ASTN2: variants seen among roughly 807,000 people sequenced by gnomAD.
The protein encoded by ASTN2 is astrotactin 2.
A neutral mutation model predicts 139.8 loss-of-function variants in ASTN2; 54 were observed. That is an observed-to-expected ratio of 0.39 (90% confidence interval 0.31 to 0.48). The LOEUF is 0.48. Among genes scored for constraint, ASTN2 ranks in the 20% least tolerant of loss-of-function variants. ASTN2 has a pLI of 0.95. For synonymous variants in ASTN2, 756 were observed against 719.5 expected, an observed-to-expected ratio of 1.05 and a Z score of -0.81; for missense variants, 1,565 against 1,725.1, an observed-to-expected ratio of 0.91 and a Z score of 1.64.
intron 2 of ASTN2, among the ~76,000 whole-genome samples, chr9:117,250,962 G>A (rs1410635549): frequency 6.6e-6 from 1 of 152,224 alleles, no homozygotes; most frequent in Admixed American, 6.5e-5. Context: ...GGGAAGAGCA[G>A]GTGGAACAAG....
chr9:117,272,700 G>A (rs770842283), intron 2 of ASTN2, among the ~76,000 whole-genome samples: 2 of 152,078 alleles, frequency 1.3e-5, no homozygotes, highest in Admixed American at 1.3e-4. Flanking sequence ...AATCTCTAGG[G>A]CAAGGGCAAA....
At chr9:117,367,356 TGGA>T (rs1829871606) in intron 1 of ASTN2, among the ~76,000 whole-genome samples, 1 of 152,192 alleles carries the variant, frequency 6.6e-6, no homozygotes, top group South Asian at 2.1e-4. Flanking sequence ...GCATGAGCTA[TGGA>T]GCAACAGCCA....
chr9:117,305,436 T>A (rs973245710), intron 1 of ASTN2, among the ~76,000 whole-genome samples: 6 of 152,316 alleles, frequency 3.9e-5, no homozygotes, highest in African/African-American at 1.4e-4. Context: ...GCTATTTTTT[T>A]AAATACATCA....
intron 21 of ASTN2, among the ~76,000 whole-genome samples, chr9:116,442,119 C>T (rs1847858003): frequency 6.6e-6 from 1 of 152,050 alleles, no homozygotes; most frequent in African/African-American, 2.4e-5. Flanking sequence ...ATGATTGGTC[C>T]CTGAGAAATC....
chr9:116,918,458 C>T (rs1834513913), intron 10 of ASTN2, among the ~76,000 whole-genome samples: 1 of 152,198 alleles, frequency 6.6e-6, no homozygotes, highest in Non-Finnish European at 1.5e-5. Context: ...ACCATTCTTT[C>T]TCTCCCAGCT....
At chr9:116,827,470 A>T (rs1831672093) in intron 11 of ASTN2, among the ~76,000 whole-genome samples, 2 of 152,102 alleles carry the variant, frequency 1.3e-5, no homozygotes, top group Non-Finnish European at 2.9e-5. Flanking sequence ...ATTTTTTGAA[A>T]TGCTAAACAA....
At chr9:117,140,018 G>T (rs909632844) in intron 4 of ASTN2, among the ~76,000 whole-genome samples, 2 of 152,202 alleles carry the variant, frequency 1.3e-5, no homozygotes, top group African/African-American at 4.8e-5. Context: ...CCCTCAGACA[G>T]ATTACAATAG....
At chr9:117,052,074 G>C (rs969516023) in intron 5 of ASTN2, among the ~76,000 whole-genome samples, 1 of 152,104 alleles carries the variant, frequency 6.6e-6, no homozygotes, top group Non-Finnish European at 1.5e-5. Context: ...TCATGCTTTG[G>C]TTGACCTTCA....
At chr9:117,156,910 T>C (rs2132892025) in intron 3 of ASTN2, among the ~76,000 whole-genome samples, 1 of 152,092 alleles carries the variant, frequency 6.6e-6, no homozygotes, top group South Asian at 2.1e-4. Context: ...CCTGAAGAAA[T>C]TCACCTTGCC....
At position 117,300,670 on chromosome 9, in the gene ASTN2, C is replaced by T. The variant is rs187875808; in HGVS notation, c.443-9157G>A. On this transcript the variant is annotated intron_variant, in intron 1 of 22. Transcript: ENST00000313400. ...AATTCTAAGAGATCCTGATGTCAGG[C>T]CAGGTTAAATGCCCACAGGATAATG... Among the ~76,000 whole-genome samples, 372 of 152,220 alleles carry T rather than the reference C, an allele frequency of 2.4e-3. 1 individual carries two copies. Among genetic ancestry groups the T allele is most frequent in the Non-Finnish European group, 4.7e-3 (321 of 68,012 alleles).
intron 11 of ASTN2, among the ~76,000 whole-genome samples, chr9:116,852,582 C>T (rs2132324203): frequency 6.6e-6 from 1 of 152,206 alleles, no homozygotes; most frequent in East Asian, 1.9e-4. Flanking sequence ...AATACCTGGG[C>T]TAGTGGGTCA....
At chr9:116,820,474 C>T in intron 12 of ASTN2, 143 bp downstream of exon 12, 2 of 1,113,464 alleles carry the variant, frequency 1.8e-6, no homozygotes, top group Non-Finnish European at 2.5e-6. Context: ...GCTTTTGGCT[C>T]TTGGACTAAA....
At chr9:117,045,652 G>A (rs959394683) in intron 5 of ASTN2, among the ~76,000 whole-genome samples, 3 of 152,104 alleles carry the variant, frequency 2.0e-5, no homozygotes, top group African/African-American at 7.2e-5. Flanking sequence ...GCCAGGTTGA[G>A]AGGAGAAAAT....
intron 1 of ASTN2, among the ~76,000 whole-genome samples, chr9:117,295,909 G>A (rs1214351867): frequency 6.6e-6 from 1 of 152,030 alleles, no homozygotes; most frequent in African/African-American, 2.4e-5. Context: ...GGAGGAGAAG[G>A]CATAGAGATC....
chr9:117,215,485 T>TATATATATAAA (rs370371572), intron 2 of ASTN2, among the ~76,000 whole-genome samples: 1 of 137,178 alleles, frequency 7.3e-6, no homozygotes, highest in African/African-American at 2.8e-5. Flanking sequence ...ATATATATAA[T>TATATATATAAA]GTGTATATAT....
intron 2 of ASTN2, among the ~76,000 whole-genome samples, chr9:117,259,401 G>C (rs930674859): frequency 5.3e-5 from 8 of 152,160 alleles, no homozygotes; most frequent in Admixed American, 5.2e-4. Context: ...TTCAGGCCAT[G>C]ATGGGAAGGG....
At chr9:117,283,460 C>G (rs1254145112) in intron 2 of ASTN2, among the ~76,000 whole-genome samples, 1 of 152,208 alleles carries the variant, frequency 6.6e-6, no homozygotes, top group Non-Finnish European at 1.5e-5. Flanking sequence ...TGGGGTATGT[C>G]CCACTTTTGT....
At chr9:117,298,061 C>A (rs1834779668) in intron 1 of ASTN2, among the ~76,000 whole-genome samples, 1 of 152,132 alleles carries the variant, frequency 6.6e-6, no homozygotes, top group African/African-American at 2.4e-5. Context: ...AAATGGCTAC[C>A]AGGATGAAAT....
At chr9:117,341,479 T>G (rs1829059675) in intron 1 of ASTN2, among the ~76,000 whole-genome samples, 1 of 152,100 alleles carries the variant, frequency 6.6e-6, no homozygotes, top group Non-Finnish European at 1.5e-5. Flanking sequence ...ATAATAATAA[T>G]TTTTTGAAAA....
Sources: allele counts gnomAD v4.1 joint callset (sites outside exome capture counted in the v4.1 genomes callset), GRCh38; gene constraint gnomAD v4.1.1; transcripts MANE v1.5; gene names NCBI Gene and HGNC (gene_info 2026-07-23, HGNC 2026-07-21).